Variants in PTPRT observed in about 807,000 individuals in gnomAD.
PTPRT encodes receptor-type tyrosine-protein phosphatase T.
PTPRT carries 56 observed loss-of-function variants against 176.8 expected under a neutral mutation model. The ratio of observed to expected loss-of-function variants is 0.32; its 90% CI spans 0.26 to 0.40. The LOEUF is 0.40. Among genes scored for constraint, PTPRT ranks in the 10% least tolerant of loss-of-function variants. The pLI is 1.00. For synonymous variants in PTPRT, 783 were observed against 739.0 expected, an observed-to-expected ratio of 1.06 and a Z score of -0.96; for missense variants, 1,540 against 1,908.2, an observed-to-expected ratio of 0.81 and a Z score of 3.60.
At chr20:42,133,598 A>G (rs1488011646) in intron 18 of PTPRT, among the ~76,000 whole-genome samples, 1 of 152,230 alleles carries the variant, frequency 6.6e-6, no homozygotes, top group Non-Finnish European at 1.5e-5. Context: ...TATTCTATAC[A>G]ATAGTGCAAT....
chr20:42,666,927 C>A (rs2075326698), intron 7 of PTPRT, among the ~76,000 whole-genome samples: 1 of 152,114 alleles, frequency 6.6e-6, no homozygotes, highest in African/African-American at 2.4e-5. Context: ...TAAGTTTATT[C>A]TCTTAGGCAT....
At chr20:43,074,953 T>C (rs907262201) in intron 1 of PTPRT, among the ~76,000 whole-genome samples, 5 of 152,196 alleles carry the variant, frequency 3.3e-5, no homozygotes, top group Non-Finnish European at 5.9e-5. Context: ...TGTGCTTACT[T>C]CAACTGCGAA....
chr20:42,865,174 T>C (rs2078725501), intron 2 of PTPRT, among the ~76,000 whole-genome samples: 1 of 152,180 alleles, frequency 6.6e-6, no homozygotes, highest in South Asian at 2.1e-4. Context: ...TTATAGAACC[T>C]GTGTGGTATT....
At chr20:42,337,087 C>T (rs2058051336) in intron 11 of PTPRT, among the ~76,000 whole-genome samples, 1 of 152,110 alleles carries the variant, frequency 6.6e-6, no homozygotes, top group Non-Finnish European at 1.5e-5. Flanking sequence ...GAGTTTGCAT[C>T]ACTCTTCAGG....
chr20:42,804,356 C>T (rs2145595183), intron 2 of PTPRT, among the ~76,000 whole-genome samples: 1 of 152,276 alleles, frequency 6.6e-6, no homozygotes, highest in Non-Finnish European at 1.5e-5. Flanking sequence ...CAGACCCCAA[C>T]CATCTCTTGG....
chr20:42,275,060 C>T (rs1568730361), intron 13 of PTPRT, among the ~76,000 whole-genome samples: 1 of 152,166 alleles, frequency 6.6e-6, no homozygotes, highest in Non-Finnish European at 1.5e-5. Flanking sequence ...CCATTTGGCC[C>T]ATCATTAAGT....
chr20:43,038,799 A>C (rs1457406428), intron 1 of PTPRT, among the ~76,000 whole-genome samples: 1 of 152,208 alleles, frequency 6.6e-6, no homozygotes, highest in African/African-American at 2.4e-5. Flanking sequence ...TATACGAGCA[A>C]TAGCCAATTA....
chr20:42,898,201 G>A (rs1452362527), intron 1 of PTPRT, among the ~76,000 whole-genome samples: 6 of 152,146 alleles, frequency 3.9e-5, no homozygotes, highest in Middle Eastern at 6.8e-3. Context: ...AACCCTCTCC[G>A]AGAACCTTTT....
At chr20:42,897,883 C>A (rs141326089) in intron 1 of PTPRT, among the ~76,000 whole-genome samples, 1 of 152,144 alleles carries the variant, frequency 6.6e-6, no homozygotes, top group Admixed American at 6.5e-5. Context: ...GTACCTGGCA[C>A]GTAGTCAGTG....
intron 7 of PTPRT, among the ~76,000 whole-genome samples, chr20:42,498,993 C>T (rs2071702293): frequency 6.6e-6 from 1 of 152,126 alleles, no homozygotes; most frequent in African/African-American, 2.4e-5. Context: ...TTCTCAGAAC[C>T]TCCTGAGGCT....
At chr20:42,329,513 A>G (rs2145429697) in intron 11 of PTPRT, among the ~76,000 whole-genome samples, 1 of 151,746 alleles carries the variant, frequency 6.6e-6, no homozygotes, top group Non-Finnish European at 1.5e-5. Context: ...ATACACACAC[A>G]CACACACACA....
intron 7 of PTPRT, among the ~76,000 whole-genome samples, chr20:42,572,920 T>G (rs1026580875): frequency 4.4e-5 from 6 of 137,362 alleles, no homozygotes; most frequent in African/African-American, 1.6e-4. Context: ...AGATAAGTTT[T>G]TGTTTTTTTT....
chr20:42,307,089 T>C (rs2145336395), intron 12 of PTPRT, among the ~76,000 whole-genome samples: 1 of 152,328 alleles, frequency 6.6e-6, no homozygotes. Context: ...TTAGTCATCA[T>C]GGAAAATTGT....
chr20:43,049,376 T>A (rs1986963274), intron 1 of PTPRT, among the ~76,000 whole-genome samples: 1 of 152,194 alleles, frequency 6.6e-6, no homozygotes. Flanking sequence ...TAGACACACT[T>A]ACTTTGAAAG....
chr20:42,932,299 C>T (rs558026309), intron 1 of PTPRT, among the ~76,000 whole-genome samples: 1 of 152,362 alleles, frequency 6.6e-6, no homozygotes, highest in Admixed American at 6.5e-5. Context: ...GCAGACATCA[C>T]TTCTCAAGGG....
chr20:42,386,343 A>G (rs1382306514), intron 9 of PTPRT, among the ~76,000 whole-genome samples: 2 of 151,130 alleles, frequency 1.3e-5, no homozygotes, highest in Non-Finnish European at 2.9e-5. Context: ...CTGTCCCAGG[A>G]GTTTAAAAAA....
intron 15 of PTPRT, among the ~76,000 whole-genome samples, chr20:42,211,692 G>C (rs897182423): frequency 1.4e-5 from 2 of 144,800 alleles, no homozygotes; most frequent in African/African-American, 5.1e-5. Context: ...CTTTTACACT[G>C]TTGGTGGGAC....
intron 27 of PTPRT, among the ~76,000 whole-genome samples, chr20:42,094,992 A>C (rs1455485133): frequency 1.3e-5 from 2 of 152,112 alleles, no homozygotes; most frequent in African/African-American, 4.8e-5. Flanking sequence ...TGGCTTCTCA[A>C]AGTGCTAGGT....
chr20:42,604,975 A>C (rs752695374), intron 7 of PTPRT, among the ~76,000 whole-genome samples: 1 of 152,176 alleles, frequency 6.6e-6, no homozygotes, highest in Non-Finnish European at 1.5e-5. Flanking sequence ...GCAAGCTATC[A>C]GCAGGGGTGT....
Sources: allele counts gnomAD v4.1 joint callset (sites outside exome capture counted in the v4.1 genomes callset), GRCh38; gene constraint gnomAD v4.1.1; transcripts MANE v1.5; gene names NCBI Gene and HGNC (gene_info 2026-07-23, HGNC 2026-07-21).